The following PDE8A variants were observed in gnomAD, a reference collection of about 807,000 sequenced individuals.
PDE8A encodes high affinity cAMP-specific and IBMX-insensitive 3',5'-cyclic phosphodiesterase 8A.
In PDE8A, 59 loss-of-function variants were observed where a neutral mutation model predicts 105.0. That is an observed-to-expected ratio of 0.56 (90% confidence interval 0.46 to 0.70). The LOEUF is 0.70. Ranked by LOEUF, PDE8A falls within the 30% of genes least tolerant of loss-of-function variation. PDE8A has a pLI of 0.00. For synonymous variants in PDE8A, 355 were observed against 371.9 expected (o/e 0.95, Z 0.52); for missense variants, 1,014 against 1,045.9 (o/e 0.97, Z 0.42).
chr15:85,055,575 G>T (rs577755431), intron 1 of PDE8A, among the ~76,000 whole-genome samples: 6 of 151,836 alleles, frequency 4.0e-5, no homozygotes, highest in Non-Finnish European at 7.4e-5. Flanking sequence ...TGGCTTTCTT[G>T]GTCTCTTTTG....
rs113666799 is a variant in PDE8A, at chr15:84,984,455, G to C, written c.186+2107G>C. Among the ~76,000 whole-genome samples the C allele has an allele frequency of 3.4e-3, 516 of 152,242 alleles. 2 individuals are homozygous for C. Among genetic ancestry groups the C allele is most frequent in the African/African-American group, 0.012 (501 of 41,538 alleles). ...TTAGCAAAATTAAATCATAAAATTA[G>C]TTTCTTTGTATTATCTCAAGATGCA... On this transcript the variant is annotated intron_variant, in intron 1 of 21. Coordinates refer to ENST00000394553, the MANE Select transcript of PDE8A (RefSeq NM_002605.3).
intron 1 of PDE8A, among the ~76,000 whole-genome samples, chr15:85,020,322 G>T (rs1490931490): frequency 6.6e-6 from 1 of 152,148 alleles, no homozygotes; most frequent in African/African-American, 2.4e-5. Flanking sequence ...AAACAACAAG[G>T]GCCCGGCGCA....
intron 20 of PDE8A, among the ~76,000 whole-genome samples, chr15:85,136,085 G>A (rs1015885322): frequency 5.3e-5 from 8 of 152,140 alleles, no homozygotes; most frequent in African/African-American, 9.7e-5. Flanking sequence ...CAGACCCAGA[G>A]AGGCATTGAA....
chr15:85,080,453 C>G (rs898058260), intron 5 of PDE8A, among the ~76,000 whole-genome samples: 2 of 152,156 alleles, frequency 1.3e-5, no homozygotes, highest in African/African-American at 4.8e-5. Flanking sequence ...TTAACAAGAA[C>G]CTTAGAAGCT....
intron 1 of PDE8A, among the ~76,000 whole-genome samples, chr15:85,019,470 A>G (rs1178119928): frequency 6.6e-6 from 1 of 152,142 alleles, no homozygotes; most frequent in Admixed American, 6.5e-5. Flanking sequence ...CCCAGGCTGG[A>G]CTAGAACTCC....
intron 1 of PDE8A, among the ~76,000 whole-genome samples, chr15:85,054,574 T>G (rs192863683): frequency 6.6e-6 from 1 of 152,362 alleles, no homozygotes; most frequent in Non-Finnish European, 1.5e-5. Context: ...ATTCATCCAT[T>G]TCTTCTAGAT....
chr15:85,063,547 G>A (rs1332832315), intron 1 of PDE8A: 1 of 152,166 alleles, frequency 6.6e-6, no homozygotes, highest in Non-Finnish European at 1.5e-5. Flanking sequence ...TCTTCTGGTG[G>A]TCCTGAGTTT....
In PDE8A at chr15:84,986,220, C is replaced by G. The variant is rs1468119435; in HGVS notation, c.186+3872C>G. On this transcript the variant is annotated intron_variant, in intron 1 of 21. Coordinates refer to ENST00000394553, the MANE Select transcript of PDE8A (RefSeq NM_002605.3). ...CCAGCCTGGGCAACAGACAGAAACC[C>G]TATCTCAAAAATAAATAATAAATAA... Among the ~76,000 whole-genome samples the G allele has an allele frequency of 2.6e-5, 4 of 152,178 alleles. No individual in the cohort carries two copies. In the South Asian group the frequency reaches 8.3e-4, roughly 32 times the overall value.
intron 1 of PDE8A, among the ~76,000 whole-genome samples, chr15:85,001,866 T>C (rs2080072718): frequency 1.3e-5 from 2 of 152,236 alleles, no homozygotes; most frequent in African/African-American, 4.8e-5. Flanking sequence ...ATTGACTGTT[T>C]ACTGCATACC....
chr15:85,044,859 C>T (rs1040961564), intron 1 of PDE8A, among the ~76,000 whole-genome samples: 15 of 152,338 alleles, frequency 9.8e-5, no homozygotes, highest in African/African-American at 3.4e-4. Context: ...AACCTTTAAG[C>T]GGCTTTTCAT....
intron 12 of PDE8A, 39 bp from the exon 13 acceptor site, chr15:85,113,338 G>T (rs2082046641): frequency 1.3e-6 from 2 of 1,572,400 alleles, no homozygotes; most frequent in South Asian, 1.1e-5. Context: ...GGTGCCCAGA[G>T]TTGTGCATGC....
intron 1 of PDE8A, among the ~76,000 whole-genome samples, chr15:85,000,480 A>G (rs933401059): frequency 2.0e-5 from 3 of 152,224 alleles, no homozygotes; most frequent in African/African-American, 4.8e-5. Context: ...GTTTTGGTTT[A>G]GGTTCAGTTG....
At chr15:85,007,638 A>T (rs1033299229) in intron 1 of PDE8A, among the ~76,000 whole-genome samples, 4 of 152,116 alleles carry the variant, frequency 2.6e-5, no homozygotes, top group Non-Finnish European at 5.9e-5. Context: ...TGGGCAAATT[A>T]CTTAACCTGT....
At chr15:85,070,951 C>T (rs2141469517) in intron 3 of PDE8A, among the ~76,000 whole-genome samples, 1 of 152,230 alleles carries the variant, frequency 6.6e-6, no homozygotes, top group Admixed American at 6.5e-5. Context: ...TTCATATTCC[C>T]ACTGTAGCAC....
intron 1 of PDE8A, among the ~76,000 whole-genome samples, chr15:84,987,128 G>T (rs992922376): frequency 6.6e-6 from 1 of 152,226 alleles, no homozygotes; most frequent in Non-Finnish European, 1.5e-5. Flanking sequence ...CTCAGGGGTT[G>T]TGAGTTCCCT....
chr15:85,097,691 C>A, intron 8 of PDE8A: 1 of 395,286 alleles, frequency 2.5e-6, no homozygotes, highest in Non-Finnish European at 4.5e-6. Context: ...GTCCAGGACC[C>A]CTCTTGTCTG....
chr15:85,094,740 G>T (rs1264792031), intron 8 of PDE8A, among the ~76,000 whole-genome samples: 1 of 152,072 alleles, frequency 6.6e-6, no homozygotes, highest in African/African-American at 2.4e-5. Flanking sequence ...TGTTTTGAGG[G>T]TCCATTGCCT....
chr15:85,017,315 T>C (rs1467116226), intron 1 of PDE8A, among the ~76,000 whole-genome samples: 3 of 152,128 alleles, frequency 2.0e-5, no homozygotes, highest in African/African-American at 7.2e-5. Context: ...ATGTTTCTTA[T>C]ATAGCCTGCT....
At chr15:85,109,372 A>G (rs999936569) in intron 12 of PDE8A, among the ~76,000 whole-genome samples, 2 of 152,224 alleles carry the variant, frequency 1.3e-5, no homozygotes, top group Non-Finnish European at 2.9e-5. Flanking sequence ...CATATATTCT[A>G]TAGTTGCTTT....
Sources: allele counts gnomAD v4.1 joint callset (sites outside exome capture counted in the v4.1 genomes callset), GRCh38; gene constraint gnomAD v4.1.1; transcripts MANE v1.5; gene names NCBI Gene and HGNC (gene_info 2026-07-23, HGNC 2026-07-21).